Variants in DOCK8 observed in about 807,000 individuals in gnomAD.
DOCK8 encodes the protein dedicator of cytokinesis 8.
Under a neutral mutation model 245.6 loss-of-function variants are expected in DOCK8, and 141 were observed. That is an observed-to-expected ratio of 0.57 (90% CI 0.50 to 0.66). The LOEUF (loss-of-function observed/expected upper bound fraction) is 0.66, where lower values mean the gene tolerates loss of function less well. Ranked by LOEUF, DOCK8 falls within the 30% of genes least tolerant of loss-of-function variation. The probability of loss-of-function intolerance (pLI) is 0.00; values close to 1 mark genes in which losing one functional copy is unlikely to be tolerated. For missense variants in DOCK8, 2,965 were observed against 2,603.4 expected, an observed-to-expected ratio of 1.14 and a Z score of -3.02; for synonymous variants, 1,168 against 970.2, an observed-to-expected ratio of 1.20 and a Z score of -3.79.
rs983071478 is a variant in DOCK8 at position 406,147 on chromosome 9, A to G, written c.3391-783A>G. ...ATCTAATACTTCCCTCCCTGACATC[A>G]CTTGTAGTTCCAGGCCAGCAAAAGT... On this transcript the variant is annotated intron_variant, in intron 27 of 47. Coordinates refer to ENST00000432829, the MANE Select transcript of DOCK8 (RefSeq NM_203447.4). Among the ~76,000 whole-genome samples, 5 of 152,268 alleles carry G rather than the reference A, an allele frequency of 3.3e-5. No homozygotes were observed. In the East Asian group the frequency reaches 9.6e-4, roughly 29 times the overall value.
chr9:252,942 C>G (rs1349199416), intron 1 of DOCK8, among the ~76,000 whole-genome samples: 1 of 152,086 alleles, frequency 6.6e-6, no homozygotes, highest in African/African-American at 2.4e-5. Flanking sequence ...GAAGTTGGTC[C>G]TAGGGTATCC....
At position 312,123 on chromosome 9, in the gene DOCK8, A is replaced by T. The variant is rs576266303; in HGVS notation, c.698A>T (p.Asn233Ile). Residue 233 changes from asparagine to isoleucine, a missense_variant, in exon 6 of 48, where the codon AAT becomes ATT. Around this residue, in one of 3 missense-constraint regions of DOCK8, gnomAD observed 2,825 missense variants for 2,453.5 expected, o/e 1.15. Transcript: ENST00000432829. ...EKQNEEARRT[N>I]RQAELFALYP... Reference sequence around the variant, plus strand: ...CAGAACGAGGAGGCCCGGAGGACCAATAGGCAGGCCGAGCTCTTTGCCCTT... The same window carrying T: ...CAGAACGAGGAGGCCCGGAGGACCATTAGGCAGGCCGAGCTCTTTGCCCTT... The T allele has an allele frequency of 1.9e-6, 3 of 1,614,238 alleles. No individual in the cohort carries two copies. The highest frequency in any genetic ancestry group is 1.7e-5 in the Admixed American group (1 of 60,032).
At chr9:308,878 T>G (rs1193826001) in intron 5 of DOCK8, among the ~76,000 whole-genome samples, 1 of 152,296 alleles carries the variant, frequency 6.6e-6, no homozygotes, top group African/African-American at 2.4e-5. Flanking sequence ...AGGATGGTCT[T>G]GATCTCCTGA....
intron 1 of DOCK8, among the ~76,000 whole-genome samples, chr9:234,322 C>T (rs995164635): frequency 6.6e-6 from 1 of 152,162 alleles, no homozygotes; most frequent in African/African-American, 2.4e-5. Flanking sequence ...CTCTGGCTGC[C>T]CTTAACATTT....
rs1288796638 is a variant in DOCK8 at position 289,668 on chromosome 9, C to G, written c.404+87C>G. 5 of 1,251,706 alleles carry G rather than the reference C, an allele frequency of 4.0e-6. No homozygotes were observed. The South Asian group carries it at 4.2e-5, about 10-fold the overall frequency. The allele number at this position is 1,251,706 out of a possible 1,614,324, so 77.5% of individuals were successfully genotyped here. A position where few individuals can be genotyped will look rare whatever the true frequency, so the allele number is the denominator to read the frequency against. On this transcript the variant is annotated intron_variant, in intron 4 of 47. Coordinates refer to ENST00000432829, the MANE Select transcript of DOCK8 (RefSeq NM_203447.4). ...ATATTTCTTAATACTTTGAACAGTT[C>G]TAGGTTTACAGAAAAATTGCATGGC...
chr9:330,659 G>GA (rs1169712217), intron 9 of DOCK8, among the ~76,000 whole-genome samples: 4 of 152,102 alleles, frequency 2.6e-5, no homozygotes, highest in East Asian at 1.9e-4. Context: ...CATGAAATAT[G>GA]AAAAAAATAG....
Position 280,327 on chromosome 9 carries a change from G to A in DOCK8, c.157-6134G>A, listed in dbSNP as rs532365487. ...CTTGAGGGAAGTGACGGTTTCTTTA[G>A]CCTAGTGTCTGTAGGACCCCAGTGT... On this transcript the variant is annotated intron_variant, in intron 2 of 47. Coordinates refer to ENST00000432829, the MANE Select transcript of DOCK8 (RefSeq NM_203447.4). Among the ~76,000 whole-genome samples, 5 of 152,280 alleles carry A rather than the reference G, an allele frequency of 3.3e-5. No homozygotes were observed. The East Asian group carries it at 9.6e-4, about 29-fold the overall frequency.
intron 19 of DOCK8, 35 bp downstream of exon 19, chr9:376,340 G>T: frequency 7.0e-7 from 1 of 1,431,796 alleles, no homozygotes; most frequent in Non-Finnish European, 9.9e-7. Context: ...GAAGGTAAAG[G>T]TGCAGCGGAG....
intron 1 of DOCK8, among the ~76,000 whole-genome samples, chr9:266,364 GGAATGAATGAATGAAT>G (rs3046373): frequency 3.3e-4 from 50 of 151,260 alleles, no homozygotes; most frequent in African/African-American, 1.1e-3. Context: ...TTCTCAGTGT[GGAATGAATGAATGAAT>G]GAATGAATGA....
chr9:388,121 C>G (rs1253540698), intron 23 of DOCK8, among the ~76,000 whole-genome samples: 1 of 152,162 alleles, frequency 6.6e-6, no homozygotes, highest in African/African-American at 2.4e-5. Flanking sequence ...ACAAACTGAC[C>G]TATTTTCTAG....
chr9:276,447 C>G (rs2048350324), intron 2 of DOCK8, among the ~76,000 whole-genome samples: 1 of 149,060 alleles, frequency 6.7e-6, no homozygotes, highest in South Asian at 2.2e-4. Flanking sequence ...CTATAAATAT[C>G]AGGTCTGATG....
Position 215,012 on chromosome 9 carries a change from C to A in DOCK8, c.36C>A (p.Phe12Leu), listed in dbSNP as rs566738926. 27 of 1,592,168 alleles carry A rather than the reference C, an allele frequency of 1.7e-5. No individual in the cohort carries two copies. The African/African-American group carries it at 1.8e-4, about 10-fold the overall frequency. The change falls in exon 1 of 48, where the codon TTC becomes TTA. Residue 12 changes from phenylalanine to leucine, a missense_variant. Coordinates refer to ENST00000432829, the MANE Select transcript of DOCK8 (RefSeq NM_203447.4). ...TGCCGAGCGCAGAGCGCCGCGCGTT[C>A]GCGCTCAAGATCAACAGGTAAGACG... ...ATLPSAERRA[F>L]ALKINRYSSA... is the part of the protein sequence containing the mutation.
chr9:342,409 T>C (rs2051649804), intron 14 of DOCK8, among the ~76,000 whole-genome samples: 1 of 151,612 alleles, frequency 6.6e-6, no homozygotes, highest in African/African-American at 2.4e-5. Flanking sequence ...ATGGCTTGCA[T>C]TTTTGGAAAT....
intron 33 of DOCK8, among the ~76,000 whole-genome samples, chr9:423,545 A>G (rs556145832): frequency 6.6e-6 from 1 of 152,334 alleles, no homozygotes; most frequent in Admixed American, 6.5e-5. Flanking sequence ...TATTGTTACC[A>G]CAAGAATGAA....
chr9:376,270 A>G lies in DOCK8; in HGVS notation c.2170A>G (p.Ile724Val). ...WAEGHKGVFN[I>V]EVQAVSSVHT... ...TGAAGGACATAAGGGAGTATTTAAT[A>G]TTGAAGTGCAAGCTGTTTCTTCTGT... The change falls in exon 19 of 48, where the codon ATT becomes GTT. Residue 724 changes from isoleucine (I) to valine (V), a missense_variant. Physicochemically the swap from Ile to Val is conservative, Grantham distance 29. Around this residue, in one of 3 missense-constraint regions of DOCK8, gnomAD observed 2,825 missense variants for 2,453.5 expected, o/e 1.15. Transcript: ENST00000432829. The G allele has an allele frequency of 6.2e-7, 1 of 1,613,544 alleles. No homozygotes were observed. Among genetic ancestry groups the G allele is most frequent in the Non-Finnish European group, 8.5e-7 (1 of 1,179,510 alleles).
chr9:398,944 T>C (rs1407870318), intron 25 of DOCK8, among the ~76,000 whole-genome samples: 2 of 152,160 alleles, frequency 1.3e-5, no homozygotes, highest in Non-Finnish European at 2.9e-5. Context: ...ACCTAAATAT[T>C]AACAGTGCAC....
chr9:454,426 T>C (rs2057563221), intron 46 of DOCK8: 1 of 152,178 alleles, frequency 6.6e-6, no homozygotes, highest in African/African-American at 2.4e-5. Context: ...ATAATATATG[T>C]AGGGTTCGGT....
chr9:289,221 C>G (rs1462380447), intron 3 of DOCK8, among the ~76,000 whole-genome samples: 3 of 152,146 alleles, frequency 2.0e-5, no homozygotes, highest in Non-Finnish European at 4.4e-5. Context: ...ACAGCTAGTT[C>G]TACCTGTCTT....
intron 30 of DOCK8, chr9:420,121 G>C (rs1418265768): frequency 8.2e-6 from 4 of 487,136 alleles, no homozygotes; most frequent in Non-Finnish European, 1.5e-5. Context: ...AGGCCACACT[G>C]CTCCTAAGAC....
Sources: gnomAD v4.1 joint callset for allele counts (sites outside exome capture counted in the v4.1 genomes callset) on GRCh38, gnomAD v4.1.1 for gene constraint, gnomAD v4.1.1 regional missense constraint, MANE v1.5 for transcripts, NCBI Gene and HGNC (gene_info 2026-07-23, HGNC 2026-07-21) for gene names.